Variants in OPRL1 observed in about 807,000 individuals in gnomAD.
The protein encoded by OPRL1 is opioid related nociceptin receptor 1.
Under a neutral mutation model 15.5 loss-of-function variants are expected in OPRL1, and 5 were observed. The ratio of observed to expected loss-of-function variants is 0.32; its 90% confidence interval spans 0.17 to 0.68. OPRL1 has a LOEUF of 0.68. OPRL1 is among the 30% of genes least tolerant of loss of function. The pLI is 0.72. For missense variants in OPRL1, 406 were observed against 515.3 expected (o/e 0.79, Z 2.05); for synonymous variants, 223 against 230.2 (o/e 0.97, Z 0.28).
In OPRL1 at chr20:64,083,431, G is replaced by A. The variant is rs1178826071; in HGVS notation, c.-185+3079G>A. The stretch of plus-strand genomic sequence containing the variant: ...TGGGGCGCGTCGCACACTCTCAGTC[G>A]CCGTCACCGCGGGAAGATGGTGCCA... On this transcript the variant is annotated intron_variant, in intron 1 of 4. Transcript: ENST00000336866. This position sits in a 1 kb window ranked among gnomAD's most constrained non-coding sequence, Gnocchi z 4.9. The A allele has an allele frequency of 1.2e-6, 2 of 1,611,156 alleles. No homozygotes were observed. The highest frequency in any genetic ancestry group is 1.7e-6 in the Non-Finnish European group (2 of 1,179,274).
chr20:64,095,352 GA>G (rs1455618038), intron 3 of OPRL1, among the ~76,000 whole-genome samples: 5 of 117,010 alleles, frequency 4.3e-5, no homozygotes, highest in African/African-American at 1.6e-4. Context: ...AGTCGGGGGG[GA>G]GCCGGGGGAT....
intron 4 of OPRL1, 42 bp from the exon 5 acceptor site, chr20:64,098,234 A>C (rs754701279): frequency 3.7e-6 from 6 of 1,602,382 alleles, no homozygotes; most frequent in African/African-American, 1.3e-5. Context: ...CGTGCCCTCC[A>C]CGTCTCCTGG....
chr20:64,083,859 C>G lies in OPRL1; in HGVS notation c.-185+3507C>G. The G allele has an allele frequency of 1.4e-6, 2 of 1,414,860 alleles. No homozygotes were observed. 87.6% of individuals were successfully genotyped at this position (1,414,860 alleles called of 1,614,324 possible). On this transcript the variant is annotated intron_variant, in intron 1 of 4. Coordinates refer to ENST00000336866, the MANE Select transcript of OPRL1 (RefSeq NM_182647.4). The surrounding 1 kb of genome is among the most constrained non-coding windows in gnomAD (Gnocchi z 4.9). ...CGCAGCCGCAGGGCGCGGACTCGCC[C>G]GCGGGCCTCCGCTGCCTTGAGGACG...
In OPRL1 at chr20:64,089,254, C is replaced by G. The variant is rs1379896726; in HGVS notation, c.-184-2712C>G. ...GAACACATTATGAGATTGTGAACACCTGGACTGGGGAGGCCACGGCCTTCT... is the reference window on the plus strand; with the variant it reads ...GAACACATTATGAGATTGTGAACACGTGGACTGGGGAGGCCACGGCCTTCT... On this transcript the variant is annotated intron_variant, in intron 1 of 4. Transcript: ENST00000336866. This position sits in a 1 kb window ranked among gnomAD's most constrained non-coding sequence, Gnocchi z 5.5. Among the ~76,000 whole-genome samples, 1 of 152,114 alleles carries G rather than the reference C, an allele frequency of 6.6e-6. No homozygotes were observed. The highest frequency in any genetic ancestry group is 1.5e-5 in the Non-Finnish European group (1 of 68,010).
intron 1 of OPRL1, among the ~76,000 whole-genome samples, chr20:64,086,104 C>T (rs1285539323): frequency 6.6e-6 from 1 of 152,210 alleles, no homozygotes; most frequent in Non-Finnish European, 1.5e-5. Flanking sequence ...CAGCCGCTTT[C>T]TCTGGGCAGC....
At chr20:64,092,628 G>T in intron 2 of OPRL1, 60 bp from the exon 3 acceptor site, 1 of 1,369,252 alleles carries the variant, frequency 7.3e-7, no homozygotes. Context: ...GCTGGGTTGT[G>T]AGGCCTCCGC....
Position 64,083,567 on chromosome 20 carries a change from C to T in OPRL1, c.-185+3215C>T, listed in dbSNP as rs747374498. ...GCCCCTCCCCTTTCCCCGCCCCTACCGGGGCTTGTCTGCACCTCTTGGCGG... is the reference window on the plus strand; with the variant it reads ...GCCCCTCCCCTTTCCCCGCCCCTACTGGGGCTTGTCTGCACCTCTTGGCGG... On this transcript the variant is annotated intron_variant, in intron 1 of 4. Transcript: ENST00000336866. The surrounding 1 kb of genome is among the most constrained non-coding windows in gnomAD (Gnocchi z 4.9). 2 of 1,525,710 alleles carry T rather than the reference C, an allele frequency of 1.3e-6. No homozygotes were observed. Among genetic ancestry groups the T allele is most frequent in the Non-Finnish European group, 8.8e-7 (1 of 1,136,284 alleles). The allele number at this position is 1,525,710 out of a possible 1,614,324, so 94.5% of individuals were successfully genotyped here. A position where few individuals can be genotyped will look rare whatever the true frequency, so the allele number is the denominator to read the frequency against.
Position 64,092,942 on chromosome 20 carries a change from C to T in OPRL1, c.222C>T (p.Tyr74=), listed in dbSNP as rs751075811. 6 of 1,612,288 alleles carry T rather than the reference C, an allele frequency of 3.7e-6. No individual in the cohort carries two copies. The highest frequency in any genetic ancestry group is 2.7e-5 in the African/African-American group (2 of 75,042). Residue 74 remains tyrosine (Y), a synonymous_variant, in exon 3 of 5, where the codon TAC becomes TAT. Coordinates refer to ENST00000336866, the MANE Select transcript of OPRL1 (RefSeq NM_182647.4). ...TCCTGGGGAACTGCCTTGTCATGTA[C>T]GTCATCCTCAGGTAGGCTGGGCCCC... ...GGLLGNCLVM[Y]VILRHTKMKT...
At position 64,092,334 on chromosome 20, in the gene OPRL1, G is replaced by C. The variant is rs574574983; in HGVS notation, c.-34+218G>C. On this transcript the variant is annotated intron_variant, in intron 2 of 4. Transcript: ENST00000336866. ...TGCATCCCTGTGCCTGTGAACACGCGAGTGGCTGTGTGTTCATCAGTCCCT... is the reference window on the plus strand; with the variant it reads ...TGCATCCCTGTGCCTGTGAACACGCCAGTGGCTGTGTGTTCATCAGTCCCT... 4.6e-5 allele frequency among the ~76,000 whole-genome samples: 7 copies of C among 152,270 alleles called. No homozygotes were observed. In the East Asian group the frequency reaches 1.4e-3, roughly 29 times the overall value.
At chr20:64,088,674 A>G (rs75368321) in intron 1 of OPRL1, among the ~76,000 whole-genome samples, 10 of 146,236 alleles carry the variant, frequency 6.8e-5, no homozygotes, top group African/African-American at 2.3e-4. Context: ...ATCTGTGCAG[A>G]GTGGCCAGGA....
rs570793494 is a variant in OPRL1 at position 64,090,148 on chromosome 20, C to T, written c.-184-1818C>T. 5.9e-5 allele frequency among the ~76,000 whole-genome samples: 9 copies of T among 152,256 alleles called. No individual in the cohort carries two copies. The highest frequency in any genetic ancestry group is 2.2e-4 in the African/African-American group (9 of 41,522). Reference sequence around the variant, plus strand: ...GGCGTCATCTTGCATGTGTGTGGCCCGTGTGTTTGTGCATCCCTGTGAGTG... The same window carrying T: ...GGCGTCATCTTGCATGTGTGTGGCCTGTGTGTTTGTGCATCCCTGTGAGTG... On this transcript the variant is annotated intron_variant, in intron 1 of 4. Coordinates refer to ENST00000336866, the MANE Select transcript of OPRL1 (RefSeq NM_182647.4). The surrounding 1 kb of genome is among the most constrained non-coding windows in gnomAD (Gnocchi z 4.9).
chr20:64,092,410 TGA>T (rs1478491401), intron 2 of OPRL1, among the ~76,000 whole-genome samples: 2 of 152,154 alleles, frequency 1.3e-5, no homozygotes, highest in African/African-American at 2.4e-5. Flanking sequence ...ACCCTGTGTG[TGA>T]GTCTCTAAAC....
rs375250522 is a variant in OPRL1, at chr20:64,081,408, G to A, written c.-185+1056G>A. ...ACAACCAGGCTGACCCCGCTGAGCC[G>A]GCCTGTTGTCTCTGCTGTGGGAAAA... is the stretch of plus-strand genomic sequence containing the variant. On this transcript the variant is annotated intron_variant, in intron 1 of 4. Transcript: ENST00000336866. 2.5e-3 allele frequency among the ~76,000 whole-genome samples: 384 copies of A among 152,326 alleles called. 19 individuals carry two copies. In the South Asian group the frequency reaches 0.064, roughly 25 times the overall value.
chr20:64,091,670 C>T (rs568288719), intron 1 of OPRL1, among the ~76,000 whole-genome samples: 30 of 152,272 alleles, frequency 2.0e-4, no homozygotes, highest in African/African-American at 6.7e-4. Flanking sequence ...TCGTGGTCCC[C>T]GTGTCTGTGT....
chr20:64,098,280 C>T lies in OPRL1; in HGVS notation c.594C>T (p.Ile198=), dbSNP rs145287059. 8.6e-5 allele frequency: 138 copies of T among 1,612,978 alleles called. No individual in the cohort carries two copies. The highest frequency in any genetic ancestry group is 1.4e-4 in the South Asian group (13 of 90,992). The change falls in exon 5 of 5, where the codon ATC becomes ATT. Residue 198 remains isoleucine, a synonymous_variant. Coordinates refer to ENST00000336866, the MANE Select transcript of OPRL1 (RefSeq NM_182647.4). ...MGSAQVEDEE[I]ECLVEIPTPQ... ...ACCCCGTTTCTCTCCCTGCAGAGAT[C>T]GAGTGCCTGGTGGAGATCCCTACCC...
chr20:64,097,007 CCAT>C lies in OPRL1; in HGVS notation c.234-789_234-787del, dbSNP rs1979241749. 2.5e-5 allele frequency among the ~76,000 whole-genome samples: 2 copies of C among 80,108 alleles called. No individual in the cohort carries two copies. The highest frequency in any genetic ancestry group is 2.6e-5 in the Non-Finnish European group (1 of 39,046). 52.6% of individuals were successfully genotyped at this position (80,108 alleles called of 152,430 possible). ...ACCATCACCACTATCACCACCACCACCATCATCACCATCACCATCATCACAGTC... is the reference window on the plus strand; with the variant it reads ...ACCATCACCACTATCACCACCACCACCATCACCATCACCATCATCACAGTC... On this transcript the variant is annotated intron_variant, in intron 3 of 4. Coordinates refer to ENST00000336866, the MANE Select transcript of OPRL1 (RefSeq NM_182647.4). The surrounding 1 kb of genome is among the most constrained non-coding windows in gnomAD (Gnocchi z 4.2).
chr20:64,084,119 G>A, intron 1 of OPRL1: 2 of 1,470,228 alleles, frequency 1.4e-6, no homozygotes, highest in Admixed American at 2.4e-5. Flanking sequence ...TGTCGCGGGC[G>A]CCCCCTTGGC....
rs11907162 is a variant in OPRL1, at chr20:64,090,592, G to A, written c.-184-1374G>A. Among the ~76,000 whole-genome samples the A allele has an allele frequency of 6.6e-6, 1 of 152,178 alleles. No individual in the cohort carries two copies. On this transcript the variant is annotated intron_variant, in intron 1 of 4. Coordinates refer to ENST00000336866, the MANE Select transcript of OPRL1 (RefSeq NM_182647.4). This position sits in a 1 kb window ranked among gnomAD's most constrained non-coding sequence, Gnocchi z 4.9. ...GGGAGGGAGCTGGTGATTCAGCTCA[G>A]GGGTCACCCACACAGCCTTGACCTG...
chr20:64,088,716 T>TGGCCAGGATCTGTGCAGGGA (rs2060084314), intron 1 of OPRL1, among the ~76,000 whole-genome samples: 5 of 13,344 alleles, frequency 3.7e-4, no homozygotes, highest in Non-Finnish European at 6.7e-4. Context: ...CTGTGCAGAG[T>TGGCCAGGATCTGTGCAGGGA]GGCCAGGATC....
Sources: gnomAD v4.1 joint callset for allele counts (sites outside exome capture counted in the v4.1 genomes callset) on GRCh38, gnomAD v4.1.1 for gene constraint, Gnocchi (gnomAD v3.1) non-coding constraint, MANE v1.5 for transcripts, NCBI Gene and HGNC (gene_info 2026-07-23, HGNC 2026-07-21) for gene names.